ERBB4: variants seen among roughly 807,000 people sequenced by gnomAD.
ERBB4 encodes the protein erb-b2 receptor tyrosine kinase 4.
ERBB4 carries 42 observed loss-of-function variants against 158.0 expected under a neutral mutation model. That is an observed-to-expected ratio of 0.27 (90% CI 0.21 to 0.34). The LOEUF is 0.34. Ranked by LOEUF, ERBB4 falls within the 10% of genes least tolerant of loss-of-function variation. The pLI, the probability that ERBB4 is intolerant of heterozygous loss-of-function variation, is 1.00. For synonymous variants in ERBB4, 583 were observed against 558.7 expected (o/e 1.04, Z -0.61); for missense variants, 1,333 against 1,624.1 (o/e 0.82, Z 3.08).
At chr2:212,248,135 A>T (rs1206959408) in intron 1 of ERBB4, among the ~76,000 whole-genome samples, 2 of 152,078 alleles carry the variant, frequency 1.3e-5, no homozygotes, top group Admixed American at 1.3e-4. Context: ...AAAATCAATA[A>T]AATTAATAAT....
At chr2:212,347,868 G>T (rs746728117) in intron 1 of ERBB4, among the ~76,000 whole-genome samples, 62 of 151,880 alleles carry the variant, frequency 4.1e-4, no homozygotes, top group Non-Finnish European at 8.1e-4. Flanking sequence ...CTTTTAAGGG[G>T]GGAAAGTTCA....
chr2:212,103,182 A>C (rs568724014), intron 2 of ERBB4, among the ~76,000 whole-genome samples: 1 of 152,222 alleles, frequency 6.6e-6, no homozygotes, highest in Non-Finnish European at 1.5e-5. Context: ...CTCCTGCCCC[A>C]AAGAGTTACA....
intron 2 of ERBB4, among the ~76,000 whole-genome samples, chr2:211,998,656 A>C (rs1255461556): frequency 6.6e-6 from 1 of 151,954 alleles, no homozygotes; most frequent in East Asian, 1.9e-4. Context: ...GTATGAAATG[A>C]TAATAGTTCT....
intron 1 of ERBB4, among the ~76,000 whole-genome samples, chr2:212,126,247 T>C (rs1258679129): frequency 6.6e-6 from 1 of 151,968 alleles, no homozygotes; most frequent in Non-Finnish European, 1.5e-5. Flanking sequence ...TTGGATTACC[T>C]GAGGTCAGGA....
intron 1 of ERBB4, among the ~76,000 whole-genome samples, chr2:212,536,445 A>G (rs953956866): frequency 1.2e-4 from 19 of 152,248 alleles, no homozygotes; most frequent in Non-Finnish European, 2.1e-4. Context: ...CATCTGGATC[A>G]CTTTGTGTTT....
intron 4 of ERBB4, among the ~76,000 whole-genome samples, chr2:211,784,043 G>T (rs2076098775): frequency 6.6e-6 from 1 of 152,100 alleles, no homozygotes. Flanking sequence ...CTCAATTTCA[G>T]AGCCTGTTAT....
At chr2:212,088,182 A>T (rs1281716301) in intron 2 of ERBB4, among the ~76,000 whole-genome samples, 1 of 152,166 alleles carries the variant, frequency 6.6e-6, no homozygotes, top group African/African-American at 2.4e-5. Context: ...AACACTATAT[A>T]TAAAGGGCAA....
intron 2 of ERBB4, among the ~76,000 whole-genome samples, chr2:211,971,660 A>G (rs1167712519): frequency 6.6e-6 from 1 of 152,170 alleles, no homozygotes; most frequent in Non-Finnish European, 1.5e-5. Context: ...ATGAAATACT[A>G]GCAAACTAAA....
chr2:211,894,932 T>A (rs2079061783), intron 3 of ERBB4, among the ~76,000 whole-genome samples: 1 of 152,172 alleles, frequency 6.6e-6, no homozygotes, highest in South Asian at 2.1e-4. Context: ...TTAAAATTAG[T>A]CAAATCAAAT....
intron 2 of ERBB4, among the ~76,000 whole-genome samples, chr2:212,102,543 A>G (rs2079114652): frequency 6.6e-6 from 1 of 152,106 alleles, no homozygotes; most frequent in Non-Finnish European, 1.5e-5. Context: ...ATGCTTATAG[A>G]TATTCTTTCT....
chr2:211,869,045 A>G (rs1463558104), intron 3 of ERBB4, among the ~76,000 whole-genome samples: 1 of 152,172 alleles, frequency 6.6e-6, no homozygotes, highest in Admixed American at 6.6e-5. Context: ...TCTAAGTTAA[A>G]GTCTAAATAT....
intron 1 of ERBB4, among the ~76,000 whole-genome samples, chr2:212,370,511 T>C (rs2090048661): frequency 6.6e-6 from 1 of 152,216 alleles, no homozygotes; most frequent in Non-Finnish European, 1.5e-5. Context: ...CATATTTTTA[T>C]AGAAGTTATG....
At chr2:212,108,300 C>T (rs2079292149) in intron 2 of ERBB4, among the ~76,000 whole-genome samples, 2 of 152,114 alleles carry the variant, frequency 1.3e-5, no homozygotes. Flanking sequence ...AAAAGCAAAA[C>T]TATTCGTGAA....
chr2:212,371,800 G>A (rs1030083283), intron 1 of ERBB4, among the ~76,000 whole-genome samples: 2 of 152,118 alleles, frequency 1.3e-5, no homozygotes, highest in African/African-American at 2.4e-5. Context: ...CTTACTTTGA[G>A]CTGAGAGGCT....
chr2:211,689,231 G>C (rs757051846), intron 12 of ERBB4, among the ~76,000 whole-genome samples: 2 of 152,164 alleles, frequency 1.3e-5, no homozygotes, highest in African/African-American at 4.8e-5. Flanking sequence ...GTTTCACTCT[G>C]TTGCCCTGGC....
chr2:212,155,930 T>C (rs2081022389), intron 1 of ERBB4, among the ~76,000 whole-genome samples: 1 of 152,148 alleles, frequency 6.6e-6, no homozygotes, highest in Admixed American at 6.6e-5. Context: ...AAAATTTTAA[T>C]GATATTTCAA....
intron 11 of ERBB4, among the ~76,000 whole-genome samples, chr2:211,703,715 C>G (rs951324631): frequency 2.6e-5 from 4 of 152,066 alleles, no homozygotes; most frequent in African/African-American, 4.8e-5. Flanking sequence ...AATTATAGCA[C>G]CAGAGACAAG....
chr2:212,469,617 T>G (rs958024976), intron 1 of ERBB4, among the ~76,000 whole-genome samples: 1 of 152,176 alleles, frequency 6.6e-6, no homozygotes. Flanking sequence ...CCTCAATAAC[T>G]GCACAGGTAA....
At chr2:212,037,279 G>A (rs2077038267) in intron 2 of ERBB4, among the ~76,000 whole-genome samples, 1 of 152,126 alleles carries the variant, frequency 6.6e-6, no homozygotes, top group Non-Finnish European at 1.5e-5. Flanking sequence ...AAGTTTCCAA[G>A]TTCTAAGAAC....
Sources: allele counts gnomAD v4.1 joint callset (sites outside exome capture counted in the v4.1 genomes callset), GRCh38; gene constraint gnomAD v4.1.1; transcripts MANE v1.5; gene names NCBI Gene and HGNC (gene_info 2026-07-23, HGNC 2026-07-21).